COX7B2: variants seen among roughly 807,000 people sequenced by gnomAD.
COX7B2 encodes the protein cytochrome c oxidase subunit 7B2, also known as cytochrome c oxidase subunit 7B2, mitochondrial.
For missense variants in COX7B2, 109 were observed against 95.9 expected, an observed-to-expected ratio of 1.14 and a Z score of -0.57; for synonymous variants, 37 against 32.1, an observed-to-expected ratio of 1.15 and a Z score of -0.51.
intron 2 of COX7B2, among the ~76,000 whole-genome samples, chr4:46,738,952 T>C (rs1315891971): frequency 6.6e-6 from 1 of 152,108 alleles, no homozygotes; most frequent in East Asian, 1.9e-4. Context: ...GTAGTCATCT[T>C]AAAGTTCTTT....
chr4:46,862,249 T>C (rs55809140), intron 1 of COX7B2, among the ~76,000 whole-genome samples: 57,900 of 152,080 alleles, frequency 0.38, 11,152 homozygotes, highest in South Asian at 0.49. Context: ...TCTATAGCTT[T>C]CCTTGGCTTA....
At chr4:46,783,444 T>C (rs1717588814) in intron 2 of COX7B2, among the ~76,000 whole-genome samples, 2 of 152,236 alleles carry the variant, frequency 1.3e-5, no homozygotes, top group South Asian at 2.1e-4. Flanking sequence ...TACTAGTAGC[T>C]AGGTCACTGG....
intron 1 of COX7B2, among the ~76,000 whole-genome samples, chr4:46,851,003 T>C (rs1485553167): frequency 6.6e-6 from 1 of 152,032 alleles, no homozygotes; most frequent in Admixed American, 6.6e-5. Context: ...ACCAAGAACA[T>C]GAAGCAGTGA....
At chr4:46,832,480 C>T (rs1040106866) in intron 2 of COX7B2, among the ~76,000 whole-genome samples, 1 of 152,024 alleles carries the variant, frequency 6.6e-6, no homozygotes, top group South Asian at 2.1e-4. Flanking sequence ...TTTCTGTTCC[C>T]AATACACTGG....
intron 1 of COX7B2, among the ~76,000 whole-genome samples, chr4:46,850,246 AATTTAAATGATTTAAAATG>A (rs1448152039): frequency 1.5e-4 from 23 of 149,666 alleles, no homozygotes; most frequent in Non-Finnish European, 2.1e-4. Flanking sequence ...GATTTAAAAT[AATTTAAATGATTTAAAATG>A]ATTTAAAAAT....
intron 2 of COX7B2, among the ~76,000 whole-genome samples, chr4:46,821,367 A>G (rs1197707086): frequency 2.0e-5 from 3 of 152,216 alleles, no homozygotes; most frequent in Non-Finnish European, 2.9e-5. Context: ...AGTTTGCGGC[A>G]AATCCCAAAT....
intron 2 of COX7B2, among the ~76,000 whole-genome samples, chr4:46,820,419 C>T (rs1446993528): frequency 6.6e-6 from 1 of 152,282 alleles, no homozygotes; most frequent in African/African-American, 2.4e-5. Flanking sequence ...ACTTGCCTGC[C>T]TCTCACCTCC....
chr4:46,759,373 A>T (rs1437507974), intron 2 of COX7B2, among the ~76,000 whole-genome samples: 1 of 151,970 alleles, frequency 6.6e-6, no homozygotes, highest in Non-Finnish European at 1.5e-5. Context: ...AGAAACTATG[A>T]AGAATGCCTA....
intron 2 of COX7B2, among the ~76,000 whole-genome samples, chr4:46,835,785 T>C (rs1715476571): frequency 6.6e-6 from 1 of 152,154 alleles, no homozygotes; most frequent in Non-Finnish European, 1.5e-5. Context: ...TTAGGCAATT[T>C]CATCAACGTA....
chr4:46,842,823 C>T lies in COX7B2; in HGVS notation c.-50+2137G>A, dbSNP rs554954191. ...TCATTGTTGGACATTTAGGTTGGTT[C>T]GAAGTCTTTGCTATTGTGAATAGTG... On this transcript the variant is annotated intron_variant, in intron 2 of 2. Coordinates refer to ENST00000355591, the MANE Select transcript of COX7B2 (RefSeq NM_130902.3). 1.1e-4 allele frequency among the ~76,000 whole-genome samples: 16 copies of T among 152,102 alleles called. No individual in the cohort carries two copies. The South Asian group carries it at 3.1e-3, about 30-fold the overall frequency.
intron 2 of COX7B2, among the ~76,000 whole-genome samples, chr4:46,755,179 A>G (rs1715708803): frequency 2.0e-5 from 3 of 152,158 alleles, no homozygotes; most frequent in African/African-American, 7.2e-5. Context: ...AGAATTAAGG[A>G]CAAAAACCAC....
chr4:46,867,940 T>C (rs974225272), intron 1 of COX7B2, among the ~76,000 whole-genome samples: 3 of 152,196 alleles, frequency 2.0e-5, no homozygotes, highest in African/African-American at 7.2e-5. Flanking sequence ...GAATAGTTTA[T>C]GTAGAAATGG....
At chr4:46,750,215 C>T (rs539573244) in intron 2 of COX7B2, among the ~76,000 whole-genome samples, 2 of 149,656 alleles carry the variant, frequency 1.3e-5, no homozygotes, top group African/African-American at 2.5e-5. Context: ...CACACACACA[C>T]ACACACACAC....
At chr4:46,762,361 T>C (rs1716227492) in intron 2 of COX7B2, among the ~76,000 whole-genome samples, 1 of 115,070 alleles carries the variant, frequency 8.7e-6, no homozygotes, top group Non-Finnish European at 1.8e-5. Context: ...ATACTATACA[T>C]GTATATATAC....
rs1717122716 is a variant in COX7B2 at position 46,775,779 on chromosome 4, A to T, written c.-49-40538T>A. On this transcript the variant is annotated intron_variant, in intron 2 of 2. Transcript: ENST00000355591. ...GTAAATTTTGGTTAAACACAAAAAGAGGATTATAAATAATAAAGCTTATCG... is the reference window on the plus strand; with the variant it reads ...GTAAATTTTGGTTAAACACAAAAAGTGGATTATAAATAATAAAGCTTATCG... 2.0e-5 allele frequency among the ~76,000 whole-genome samples: 3 copies of T among 152,274 alleles called. No homozygotes were observed. In the South Asian group the frequency reaches 6.2e-4, roughly 32 times the overall value.
At chr4:46,878,319 C>T (rs1181643702) in intron 1 of COX7B2, among the ~76,000 whole-genome samples, 1 of 151,748 alleles carries the variant, frequency 6.6e-6, no homozygotes, top group Non-Finnish European at 1.5e-5. Context: ...ATCTAGAGAT[C>T]TAATGTATAG....
chr4:46,769,673 A>T (rs1241660207), intron 2 of COX7B2, among the ~76,000 whole-genome samples: 3 of 152,278 alleles, frequency 2.0e-5, no homozygotes, highest in East Asian at 3.9e-4. Flanking sequence ...TCAAGATCAC[A>T]CACTACACTC....
intron 2 of COX7B2, among the ~76,000 whole-genome samples, chr4:46,808,368 T>A (rs2109652872): frequency 6.6e-6 from 1 of 151,974 alleles, no homozygotes; most frequent in East Asian, 1.9e-4. Flanking sequence ...TTTTTGTATG[T>A]CAATATTGTA....
intron 1 of COX7B2, among the ~76,000 whole-genome samples, chr4:46,881,703 T>C (rs532680960): frequency 2.4e-4 from 36 of 152,160 alleles, no homozygotes; most frequent in African/African-American, 8.7e-4. Context: ...GCCTGGGCGA[T>C]AGATCCATCT....
Sources: allele counts gnomAD v4.1 joint callset (sites outside exome capture counted in the v4.1 genomes callset), GRCh38; gene constraint gnomAD v4.1.1; transcripts MANE v1.5; gene names NCBI Gene and HGNC (gene_info 2026-07-23, HGNC 2026-07-21).